ZNF438: variants seen among roughly 807,000 people sequenced by gnomAD.
The protein encoded by ZNF438 is zinc finger protein 438.
Under a neutral mutation model 38.0 loss-of-function variants are expected in ZNF438, and 25 were observed. That is an observed-to-expected ratio of 0.66 (90% CI 0.48 to 0.92). ZNF438 has a LOEUF of 0.92. Ranked by LOEUF, ZNF438 falls within the 40% of genes least tolerant of loss-of-function variation. The pLI is 0.00. For missense variants in ZNF438, 1,007 were observed against 999.6 expected (o/e 1.01, Z -0.10); for synonymous variants, 372 against 364.1 (o/e 1.02, Z -0.25).
chr10:30,876,899 G>T, intron 4 of ZNF438, 99 bp downstream of exon 5: 2 of 812,980 alleles, frequency 2.5e-6, no homozygotes, highest in South Asian at 3.0e-5. Context: ...TTTAATTCTA[G>T]GAAATAAGTT....
chr10:30,924,271 A>C (rs964453015), intron 2 of ZNF438, among the ~76,000 whole-genome samples: 5 of 152,188 alleles, frequency 3.3e-5, no homozygotes, highest in Non-Finnish European at 7.3e-5. Context: ...AGAAGGCTTT[A>C]ATCAGGTGCT....
At chr10:31,029,699 C>G (rs1429689219) in intron 1 of ZNF438, among the ~76,000 whole-genome samples, 1 of 152,232 alleles carries the variant, frequency 6.6e-6, no homozygotes, top group Non-Finnish European at 1.5e-5. Context: ...ACACCAGTCC[C>G]TTGATGCAAA....
At chr10:30,859,226 C>T (rs531165018) in intron 4 of ZNF438, among the ~76,000 whole-genome samples, 22 of 152,200 alleles carry the variant, frequency 1.4e-4, no homozygotes, top group African/African-American at 4.8e-4. Context: ...GGACTACAGG[C>T]GCACACCAAC....
At chr10:30,908,392 A>G (rs1044557514) in intron 3 of ZNF438, among the ~76,000 whole-genome samples, 10 of 152,162 alleles carry the variant, frequency 6.6e-5, no homozygotes, top group African/African-American at 2.2e-4. Context: ...GTGGCTTATA[A>G]TGTTGGATCT....
At chr10:30,861,485 A>G (rs2035571741) in intron 4 of ZNF438, among the ~76,000 whole-genome samples, 1 of 152,216 alleles carries the variant, frequency 6.6e-6, no homozygotes, top group Non-Finnish European at 1.5e-5. Context: ...TTTAAAAGCC[A>G]ATTACCTAGA....
At chr10:30,922,328 T>G (rs1254989724) in intron 2 of ZNF438, among the ~76,000 whole-genome samples, 1 of 152,190 alleles carries the variant, frequency 6.6e-6, no homozygotes, top group African/African-American at 2.4e-5. Flanking sequence ...ATGTGATGGT[T>G]GTCATGGAGG....
rs187840086 is a variant in ZNF438, at chr10:30,928,297, A to G, written c.-115+13278T>C. 8.0e-3 allele frequency among the ~76,000 whole-genome samples: 1,219 copies of G among 152,304 alleles called. 19 individuals are homozygous for G. Among genetic ancestry groups the G allele is most frequent in the Non-Finnish European group, 0.01 (691 of 68,020 alleles). ...TAATAGTCATTGAATCCTAAAAATAATATTTTTTCTAGTAATTAAAATCTG... is the reference window on the plus strand; with the variant it reads ...TAATAGTCATTGAATCCTAAAAATAGTATTTTTTCTAGTAATTAAAATCTG... On this transcript the variant is annotated intron_variant, in intron 2 of 5. Transcript: ENST00000413025.
intron 4 of ZNF438, among the ~76,000 whole-genome samples, chr10:30,851,126 AGATAC>A (rs1312650619): frequency 6.6e-6 from 1 of 152,268 alleles, no homozygotes; most frequent in Non-Finnish European, 1.5e-5. Context: ...AAAAACAGAA[AGATAC>A]AAAGTGATAA....
intron 2 of ZNF438, among the ~76,000 whole-genome samples, chr10:30,938,566 A>T (rs1430943410): frequency 6.6e-6 from 1 of 151,938 alleles, no homozygotes; most frequent in Non-Finnish European, 1.5e-5. Context: ...GTGAGCCACC[A>T]TGCCTGGCCT....
chr10:30,979,814 C>T lies in ZNF438; in HGVS notation c.-191-38163G>A, dbSNP rs555368847. ...GGAGAAATCTCTCTCTGTAACTTTTCCCCATTGATTCTAGCTATGACTTTC... is the reference window on the plus strand; with the variant it reads ...GGAGAAATCTCTCTCTGTAACTTTTTCCCATTGATTCTAGCTATGACTTTC... On this transcript the variant is annotated intron_variant, in intron 1 of 5. Transcript: ENST00000413025. Among the ~76,000 whole-genome samples, 6 of 152,284 alleles carry T rather than the reference C, an allele frequency of 3.9e-5. No homozygotes were observed. In the South Asian group the frequency reaches 1.2e-3, roughly 32 times the overall value.
intron 1 of ZNF438, among the ~76,000 whole-genome samples, chr10:30,971,068 T>A (rs1171675259): frequency 1.3e-5 from 2 of 152,182 alleles, no homozygotes; most frequent in Non-Finnish European, 2.9e-5. Flanking sequence ...TTTTAAAAAA[T>A]CATTCCAAAT....
chr10:30,986,083 A>C (rs2052750351), intron 1 of ZNF438, among the ~76,000 whole-genome samples: 1 of 152,210 alleles, frequency 6.6e-6, no homozygotes, highest in African/African-American at 2.4e-5. Context: ...ACAAGAGGCT[A>C]TACCAAATAG....
At chr10:30,942,802 C>T (rs1030050214) in intron 1 of ZNF438, among the ~76,000 whole-genome samples, 1 of 152,212 alleles carries the variant, frequency 6.6e-6, no homozygotes, top group Non-Finnish European at 1.5e-5. Flanking sequence ...GTTTGCTGCA[C>T]TAAGTCAATA....
chr10:30,984,532 AT>A (rs1306185778), intron 1 of ZNF438, 106 bp from the exon 2 acceptor site: 3 of 152,140 alleles, frequency 2.0e-5, no homozygotes, highest in African/African-American at 7.2e-5. Context: ...ATTACTGTAT[AT>A]TTTTATTAAG....
chr10:30,886,514 A>C (rs1326081963), intron 3 of ZNF438, among the ~76,000 whole-genome samples: 3 of 152,218 alleles, frequency 2.0e-5, no homozygotes, highest in Non-Finnish European at 2.9e-5. Context: ...TGTTGAATAC[A>C]CCTAACCTAC....
chr10:30,940,113 T>C (rs889324320), intron 2 of ZNF438, among the ~76,000 whole-genome samples: 2 of 152,108 alleles, frequency 1.3e-5, no homozygotes, highest in Non-Finnish European at 2.9e-5. Flanking sequence ...ATGGAACATA[T>C]GCATTTATAA....
At chr10:30,887,613 C>T (rs2040129792) in intron 3 of ZNF438, among the ~76,000 whole-genome samples, 2 of 152,200 alleles carry the variant, frequency 1.3e-5, no homozygotes. Flanking sequence ...TGGTCTCGAA[C>T]TCCTGACCTC....
At chr10:30,910,630 A>C (rs2134541945) in intron 2 of ZNF438, among the ~76,000 whole-genome samples, 1 of 147,200 alleles carries the variant, frequency 6.8e-6, no homozygotes, top group Non-Finnish European at 1.5e-5. Context: ...GTATTGATAT[A>C]GCACCCCTTT....
At chr10:31,018,133 CAGG>C (rs2056337689) in intron 1 of ZNF438, among the ~76,000 whole-genome samples, 1 of 152,194 alleles carries the variant, frequency 6.6e-6, no homozygotes, top group African/African-American at 2.4e-5. Flanking sequence ...GAAAATCTAA[CAGG>C]AGATTCCTGA....
Sources: gnomAD v4.1 joint callset for allele counts (sites outside exome capture counted in the v4.1 genomes callset) on GRCh38, gnomAD v4.1.1 for gene constraint, MANE v1.5 for transcripts, NCBI Gene and HGNC (gene_info 2026-07-23, HGNC 2026-07-21) for gene names.